The following TNIK variants were observed in gnomAD, a reference collection of about 807,000 sequenced individuals.
TNIK encodes TRAF2 and NCK-interacting protein kinase.
Under a neutral mutation model 191.3 loss-of-function variants are expected in TNIK, and 49 were observed. That is an observed-to-expected ratio of 0.26 (90% CI 0.20 to 0.32). The LOEUF (loss-of-function observed/expected upper bound fraction) is 0.32. Ranked by LOEUF, TNIK falls within the 10% of genes least tolerant of loss-of-function variation. The pLI, the probability that TNIK is intolerant of heterozygous loss-of-function variation, is 1.00. For missense variants in TNIK, 1,155 were observed against 1,702.3 expected (o/e 0.68, Z 5.66); for synonymous variants, 594 against 600.9 (o/e 0.99, Z 0.17).
intron 2 of TNIK, among the ~76,000 whole-genome samples, chr3:171,311,005 T>C (rs1227152545): frequency 6.6e-6 from 1 of 152,186 alleles, no homozygotes; most frequent in South Asian, 2.1e-4. Context: ...CAAACACAAG[T>C]GGCCCCTGAA....
chr3:171,129,337 C>A (rs971535107), intron 15 of TNIK, among the ~76,000 whole-genome samples: 2 of 152,162 alleles, frequency 1.3e-5, no homozygotes, highest in African/African-American at 2.4e-5. Context: ...GAGGATGAAG[C>A]TGAGTGCATG....
At chr3:171,286,873 G>T (rs947243123) in intron 2 of TNIK, among the ~76,000 whole-genome samples, 1 of 152,166 alleles carries the variant, frequency 6.6e-6, no homozygotes, top group Non-Finnish European at 1.5e-5. Flanking sequence ...CTCTTGTAAT[G>T]ATCAATTGCT....
intron 1 of TNIK, among the ~76,000 whole-genome samples, chr3:171,407,623 T>C (rs1322343730): frequency 6.6e-6 from 1 of 152,222 alleles, no homozygotes; most frequent in Non-Finnish European, 1.5e-5. Context: ...ACAAACACTT[T>C]AGTTGGACAG....
intron 1 of TNIK, among the ~76,000 whole-genome samples, chr3:171,448,693 C>T (rs1727812220): frequency 6.6e-6 from 1 of 150,508 alleles, no homozygotes; most frequent in South Asian, 2.1e-4. Flanking sequence ...AAACTGTTTT[C>T]CAAAATGGCT....
At chr3:171,454,274 G>C (rs1728535576) in intron 1 of TNIK, among the ~76,000 whole-genome samples, 1 of 152,194 alleles carries the variant, frequency 6.6e-6, no homozygotes, top group Non-Finnish European at 1.5e-5. Context: ...CTATCACTGA[G>C]AGAAGGAATG....
At chr3:171,333,670 G>A (rs530904402) in intron 2 of TNIK, among the ~76,000 whole-genome samples, 192 of 151,588 alleles carry the variant, frequency 1.3e-3, no homozygotes, top group African/African-American at 4.5e-3. Flanking sequence ...GTCCCCTTTG[G>A]GCTGAGCAAA....
At chr3:171,120,911 C>T (rs61792393) in intron 18 of TNIK, among the ~76,000 whole-genome samples, 23,595 of 152,166 alleles carry the variant, frequency 0.16, 2,183 homozygotes, top group Non-Finnish European at 0.21. Flanking sequence ...AGGTATATTA[C>T]GACCCCTGCG....
chr3:171,134,290 T>C (rs1729685725), intron 15 of TNIK, among the ~76,000 whole-genome samples: 1 of 152,158 alleles, frequency 6.6e-6, no homozygotes, highest in African/African-American at 2.4e-5. Flanking sequence ...TGTCTATTTA[T>C]TTATGTATTT....
chr3:171,304,846 CG>C (rs1401135006), intron 2 of TNIK, among the ~76,000 whole-genome samples: 2 of 151,050 alleles, frequency 1.3e-5, no homozygotes, highest in African/African-American at 4.9e-5. Context: ...CATCACACAC[CG>C]GGGACCGTTG....
intron 2 of TNIK, among the ~76,000 whole-genome samples, chr3:171,250,032 C>G (rs1375666119): frequency 6.6e-6 from 1 of 152,234 alleles, no homozygotes; most frequent in Non-Finnish European, 1.5e-5. Flanking sequence ...CCAAAGTCAG[C>G]CAGCTGGTAA....
At chr3:171,427,284 A>G (rs1320706267) in intron 1 of TNIK, among the ~76,000 whole-genome samples, 1 of 152,166 alleles carries the variant, frequency 6.6e-6, no homozygotes. Flanking sequence ...GGTCATCAGA[A>G]AAAAGATTTC....
intron 1 of TNIK, among the ~76,000 whole-genome samples, chr3:171,395,925 A>T (rs12635553): frequency 0.49 from 73,583 of 150,978 alleles, 18,569 homozygotes; most frequent in African/African-American, 0.59. Context: ...CTTGCTTTTT[A>T]AAAAACAGGT....
At chr3:171,244,078 T>TTTA (rs1553867258) in intron 2 of TNIK, among the ~76,000 whole-genome samples, 14 of 149,022 alleles carry the variant, frequency 9.4e-5, no homozygotes, top group African/African-American at 3.3e-4. Flanking sequence ...TTTTTTTTTT[T>TTTA]AAGACAGAGT....
At chr3:171,326,064 G>T (rs564739263) in intron 2 of TNIK, among the ~76,000 whole-genome samples, 3 of 152,092 alleles carry the variant, frequency 2.0e-5, no homozygotes, top group Admixed American at 6.6e-5. Context: ...ATGTTATGTG[G>T]CAGGGAAGAG....
intron 1 of TNIK, among the ~76,000 whole-genome samples, chr3:171,372,526 C>T (rs1166260501): frequency 6.6e-6 from 1 of 152,222 alleles, no homozygotes; most frequent in Admixed American, 6.5e-5. Context: ...GTAACAAAAA[C>T]TTCATCTGAT....
chr3:171,421,724 A>ATTTTTTTTTTTTT (rs67895255), intron 1 of TNIK, among the ~76,000 whole-genome samples: 2 of 91,354 alleles, frequency 2.2e-5, no homozygotes, highest in Admixed American at 1.4e-4. Context: ...TAGTTGTGTA[A>ATTTTTTTTTTTTT]TTTTTTTTTT....
At chr3:171,066,490 G>A (rs1166151822) in intron 31 of TNIK, 86 bp downstream of exon 31, 1 of 1,437,632 alleles carries the variant, frequency 7.0e-7, no homozygotes, top group South Asian at 1.3e-5. Flanking sequence ...TTTTTTTGTG[G>A]AATCAAATGG....
At chr3:171,241,453 C>T (rs1744980520) in intron 2 of TNIK, among the ~76,000 whole-genome samples, 1 of 152,132 alleles carries the variant, frequency 6.6e-6, no homozygotes, top group Admixed American at 6.6e-5. Flanking sequence ...TTCATATTGG[C>T]CTTGCATATA....
At chr3:171,091,595 TAGCTGGGCGTGCACCCGTAGTCTC>T (rs1002577778) in intron 23 of TNIK, among the ~76,000 whole-genome samples, 1 of 151,832 alleles carries the variant, frequency 6.6e-6, no homozygotes, top group Admixed American at 6.6e-5. Flanking sequence ...TACAAAAATT[TAGCTGGGCGTGCACCCGTAGTCTC>T]AGCTACTTGG....
Sources: allele counts gnomAD v4.1 joint callset (sites outside exome capture counted in the v4.1 genomes callset), GRCh38; gene constraint gnomAD v4.1.1; transcripts MANE v1.5; gene names NCBI Gene and HGNC (gene_info 2026-07-23, HGNC 2026-07-21).